The following CEP128 variants were observed in gnomAD, a reference collection of about 807,000 sequenced individuals.
CEP128 encodes centrosomal protein 128, also known as centrosomal protein 128kDa.
Under a neutral mutation model 156.7 loss-of-function variants are expected in CEP128, and 132 were observed. The ratio of observed to expected loss-of-function variants is 0.84; its 90% CI spans 0.73 to 0.97. The LOEUF is 0.97. CEP128 is among the 50% of genes least tolerant of loss of function. CEP128 has a pLI of 0.00. For missense variants in CEP128, 1,252 were observed against 1,281.9 expected, an observed-to-expected ratio of 0.98 and a Z score of 0.36; for synonymous variants, 469 against 448.9, an observed-to-expected ratio of 1.04 and a Z score of -0.57.
chr14:80,696,212 T>C (rs935495610), intron 19 of CEP128, among the ~76,000 whole-genome samples: 3 of 152,148 alleles, frequency 2.0e-5, no homozygotes, highest in South Asian at 2.1e-4. Context: ...AGTGTCTAGA[T>C]TGGTTGAGTG....
intron 4 of CEP128, among the ~76,000 whole-genome samples, chr14:80,906,821 G>C (rs1177755297): frequency 6.6e-6 from 1 of 152,034 alleles, no homozygotes; most frequent in South Asian, 2.1e-4. Context: ...TAAGACCCAA[G>C]GGAAAAAAAA....
At chr14:80,481,983 A>G (rs998137915) in intron 14 of CEP128, among the ~76,000 whole-genome samples, 4 of 152,260 alleles carry the variant, frequency 2.6e-5, no homozygotes, top group Non-Finnish European at 5.9e-5. Context: ...AACCTGACCA[A>G]AATTCTGGTA....
chr14:80,611,858 G>A (rs1051550765), intron 19 of CEP128, among the ~76,000 whole-genome samples: 1 of 152,146 alleles, frequency 6.6e-6, no homozygotes, highest in Non-Finnish European at 1.5e-5. Flanking sequence ...AGGAGTTCAA[G>A]ACTAGCCTGG....
At position 80,678,049 on chromosome 14, in the gene CEP128, A is replaced by AAATATATATATATATATAT; in HGVS notation, c.2806+65025_2806+65026insATATATATATATATATATT. 1.0e-4 allele frequency among the ~76,000 whole-genome samples: 10 copies of AAATATATATATATATATAT among 98,502 alleles called. 1 individual carries two copies. The highest frequency in any genetic ancestry group is 2.8e-4 in the African/African-American group (9 of 31,718). The allele number at this position is 98,502 out of a possible 152,430, so 64.6% of individuals were successfully genotyped here. On this transcript the variant is annotated intron_variant, in intron 19 of 24. Transcript: ENST00000555265. The stretch of plus-strand genomic sequence containing the variant: ...ATGGACAGTTGCTCTATAAAAAAAA[A>AAATATATATATATATATAT]ATATATATATATATGTATATATATA...
chr14:80,737,172 G>A (rs1000035704), intron 19 of CEP128, among the ~76,000 whole-genome samples: 8 of 152,042 alleles, frequency 5.3e-5, no homozygotes, highest in African/African-American at 1.4e-4. Context: ...TTGGGAGGCC[G>A]AGGCGGGTGG....
intron 19 of CEP128, among the ~76,000 whole-genome samples, chr14:80,631,887 A>C (rs748339709): frequency 2.0e-5 from 3 of 152,116 alleles, no homozygotes; most frequent in Admixed American, 6.5e-5. Flanking sequence ...TGTATACTGC[A>C]TGAAGACACC....
At chr14:80,761,372 C>T in intron 17 of CEP128, 65 bp downstream of exon 17, 2 of 1,202,830 alleles carry the variant, frequency 1.7e-6, no homozygotes, top group Middle Eastern at 2.1e-4. Context: ...ACATGAAAAT[C>T]CTATTACAAT....
intron 12 of CEP128, among the ~76,000 whole-genome samples, chr14:80,833,455 A>C (rs1188552701): frequency 2.0e-5 from 3 of 152,128 alleles, no homozygotes; most frequent in East Asian, 3.9e-4. Context: ...TTTCCCAAAA[A>C]AGTTAAAATA....
intron 19 of CEP128, among the ~76,000 whole-genome samples, chr14:80,725,663 A>T (rs532947027): frequency 6.6e-6 from 1 of 152,354 alleles, no homozygotes; most frequent in Admixed American, 6.5e-5. Flanking sequence ...GAATTCTGGT[A>T]CAAGAGGAAG....
At chr14:80,842,002 A>C (rs753850866) in intron 9 of CEP128, among the ~76,000 whole-genome samples, 21 of 152,046 alleles carry the variant, frequency 1.4e-4, no homozygotes, top group Non-Finnish European at 2.2e-4. Context: ...TGGTTGAATA[A>C]AAGAAACTCT....
intron 21 of CEP128, among the ~76,000 whole-genome samples, chr14:80,548,390 C>T (rs994116576): frequency 6.6e-6 from 1 of 152,032 alleles, no homozygotes; most frequent in African/African-American, 2.4e-5. Context: ...TCATTAAAGA[C>T]TTTAAAATGT....
Position 80,743,115 on chromosome 14 carries a change from C to T in CEP128, c.2766G>A (p.Arg922=), listed in dbSNP as rs1442426839. ...ELQCLFQQIE[R]QEQLLDEIHR... ...GTATTTCATCCAGAAGCTGCTCCTGCCTTTCTATCTGTTGAAAGAGACACT... is the reference window on the plus strand; with the variant it reads ...GTATTTCATCCAGAAGCTGCTCCTGTCTTTCTATCTGTTGAAAGAGACACT... Residue 922 remains arginine, a synonymous_variant, in exon 19 of 25, where the codon AGG becomes AGA. Coordinates refer to ENST00000555265, the MANE Select transcript of CEP128 (RefSeq NM_152446.5). 3 of 1,613,642 alleles carry T rather than the reference C, an allele frequency of 1.9e-6. No homozygotes were observed. The highest frequency in any genetic ancestry group is 2.5e-6 in the Non-Finnish European group (3 of 1,179,830).
intron 16 of CEP128, among the ~76,000 whole-genome samples, chr14:80,773,552 G>T (rs1282748054): frequency 6.6e-6 from 1 of 152,058 alleles, no homozygotes; most frequent in African/African-American, 2.4e-5. Flanking sequence ...AAAGACAGCT[G>T]ATGTCATTTA....
At chr14:80,783,280 C>T (rs1901222754) in intron 15 of CEP128, among the ~76,000 whole-genome samples, 1 of 152,188 alleles carries the variant, frequency 6.6e-6, no homozygotes, top group South Asian at 2.1e-4. Context: ...AAAGTCATTA[C>T]CTACCTGTCC....
intron 19 of CEP128, among the ~76,000 whole-genome samples, chr14:80,687,446 G>A (rs1896565449): frequency 6.6e-6 from 1 of 152,080 alleles, no homozygotes; most frequent in African/African-American, 2.4e-5. Flanking sequence ...CATGGAAGCA[G>A]CTAAAGGCCA....
chr14:80,718,131 G>A (rs540578128), intron 19 of CEP128, among the ~76,000 whole-genome samples: 1 of 152,304 alleles, frequency 6.6e-6, no homozygotes, highest in East Asian at 1.9e-4. Flanking sequence ...ACAAAATGGT[G>A]AGACTTACTT....
rs140418324 is a variant in CEP128 at position 80,618,047 on chromosome 14, T to C, written c.2807-37624A>G. 4.6e-3 allele frequency among the ~76,000 whole-genome samples: 697 copies of C among 152,310 alleles called. 1 individual carries two copies. The highest frequency in any genetic ancestry group is 6.8e-3 in the Middle Eastern group (2 of 294). ...ATGCACGTAAAACACTTGGCTTACA[T>C]CCTAAGACATGGTAAGCATTCTTGA... On this transcript the variant is annotated intron_variant, in intron 19 of 24. Coordinates refer to ENST00000555265, the MANE Select transcript of CEP128 (RefSeq NM_152446.5).
At chr14:80,746,089 G>A (rs935548830) in intron 18 of CEP128, among the ~76,000 whole-genome samples, 5 of 152,064 alleles carry the variant, frequency 3.3e-5, no homozygotes, top group African/African-American at 1.2e-4. Context: ...TTAAAAAACT[G>A]AAGACTAAGT....
intron 7 of CEP128, among the ~76,000 whole-genome samples, chr14:80,897,453 A>T (rs1889395259): frequency 6.6e-6 from 1 of 152,170 alleles, no homozygotes; most frequent in African/African-American, 2.4e-5. Context: ...CATAGTAAAT[A>T]TCCAGCTGAA....
Sources: allele counts gnomAD v4.1 joint callset (sites outside exome capture counted in the v4.1 genomes callset), GRCh38; gene constraint gnomAD v4.1.1; transcripts MANE v1.5; gene names NCBI Gene and HGNC (gene_info 2026-07-23, HGNC 2026-07-21).